The following DYM variants were observed in gnomAD, a reference collection of about 807,000 sequenced individuals.
The protein encoded by DYM is dyggve-Melchior-Clausen syndrome protein.
Under a neutral mutation model 93.1 loss-of-function variants are expected in DYM, and 78 were observed. The ratio of observed to expected loss-of-function variants is 0.84; its 90% CI spans 0.70 to 1.01. The LOEUF (loss-of-function observed/expected upper bound fraction) is 1.01. DYM is among the 50% of genes least tolerant of loss of function. DYM has a pLI of 0.00. For synonymous variants in DYM, 321 were observed against 319.7 expected (o/e 1.00, Z -0.04); for missense variants, 789 against 845.0 (o/e 0.93, Z 0.82).
chr18:49,160,231 C>T (rs934615413), intron 15 of DYM, among the ~76,000 whole-genome samples: 4 of 152,150 alleles, frequency 2.6e-5, no homozygotes, highest in African/African-American at 9.6e-5. Flanking sequence ...TTTATTTCCC[C>T]TTAAACAGCC....
At chr18:49,356,236 G>T (rs1185793649) in intron 6 of DYM, among the ~76,000 whole-genome samples, 1 of 102,034 alleles carries the variant, frequency 9.8e-6, no homozygotes, top group Non-Finnish European at 2.6e-5. Flanking sequence ...TGCTATACAT[G>T]TATTAATAAC....
chr18:49,359,789 G>C (rs1402596593), intron 6 of DYM: 1 of 152,218 alleles, frequency 6.6e-6, no homozygotes, highest in Non-Finnish European at 1.5e-5. Flanking sequence ...TGTGAAATGT[G>C]AAACGTTTAT....
chr18:49,347,884 C>A (rs1230502342), intron 6 of DYM, among the ~76,000 whole-genome samples: 1 of 152,142 alleles, frequency 6.6e-6, no homozygotes, highest in Non-Finnish European at 1.5e-5. Flanking sequence ...AGAAGATTTT[C>A]ATTACACAAT....
chr18:49,123,710 T>C (rs1398942668), intron 15 of DYM, among the ~76,000 whole-genome samples: 3 of 152,230 alleles, frequency 2.0e-5, no homozygotes, highest in African/African-American at 4.8e-5. Context: ...TCATCTATTA[T>C]TGTTATGTTT....
At chr18:49,217,520 C>T (rs1310473535) in intron 13 of DYM, among the ~76,000 whole-genome samples, 1 of 152,150 alleles carries the variant, frequency 6.6e-6, no homozygotes, top group Non-Finnish European at 1.5e-5. Context: ...CCGGGTTACC[C>T]ACAAAGGGAA....
At chr18:49,125,752 C>T (rs946947878) in intron 15 of DYM, among the ~76,000 whole-genome samples, 2 of 152,192 alleles carry the variant, frequency 1.3e-5, no homozygotes, top group Non-Finnish European at 2.9e-5. Context: ...TAACATTCAT[C>T]CCAAGTGGTC....
At chr18:49,359,305 A>T (rs1021547215) in intron 6 of DYM, among the ~76,000 whole-genome samples, 4 of 152,208 alleles carry the variant, frequency 2.6e-5, no homozygotes, top group African/African-American at 7.2e-5. Flanking sequence ...CCCGTGCATA[A>T]CTTAATCTTT....
chr18:49,161,213 A>G (rs986572206), intron 15 of DYM, among the ~76,000 whole-genome samples: 2 of 152,224 alleles, frequency 1.3e-5, no homozygotes, highest in African/African-American at 2.4e-5. Flanking sequence ...AAAATATTCA[A>G]TCAGTGACTC....
At chr18:49,080,486 G>T (rs1207774227) in intron 17 of DYM, among the ~76,000 whole-genome samples, 2 of 135,348 alleles carry the variant, frequency 1.5e-5, no homozygotes, top group Admixed American at 7.2e-5. Flanking sequence ...CTCACCTCCC[G>T]GACGGGGCGG....
intron 17 of DYM, among the ~76,000 whole-genome samples, chr18:49,058,126 G>A (rs556721678): frequency 2.0e-5 from 3 of 152,110 alleles, no homozygotes; most frequent in Admixed American, 6.5e-5. Context: ...AAGGACAACT[G>A]GAAAATACAA....
intron 17 of DYM, among the ~76,000 whole-genome samples, chr18:49,052,415 G>T (rs2144398274): frequency 6.6e-6 from 1 of 152,320 alleles, no homozygotes; most frequent in East Asian, 1.9e-4. Flanking sequence ...CTAAGGAAAA[G>T]AAAGACAAAA....
intron 15 of DYM, among the ~76,000 whole-genome samples, chr18:49,139,438 A>T (rs2084214011): frequency 6.6e-6 from 1 of 152,160 alleles, no homozygotes; most frequent in Admixed American, 6.5e-5. Flanking sequence ...TTAATTTTAG[A>T]AGGAGCTTAC....
intron 8 of DYM, among the ~76,000 whole-genome samples, chr18:49,294,740 C>A (rs1235205762): frequency 6.6e-6 from 1 of 152,048 alleles, no homozygotes; most frequent in Non-Finnish European, 1.5e-5. Context: ...TAAATGATTT[C>A]TTACATCTAA....
chr18:49,232,297 T>C (rs1247977746), intron 13 of DYM, among the ~76,000 whole-genome samples: 2 of 151,834 alleles, frequency 1.3e-5, no homozygotes, highest in Non-Finnish European at 2.9e-5. Context: ...TCTTCTTTTT[T>C]GATTTTTTCT....
intron 13 of DYM, among the ~76,000 whole-genome samples, chr18:49,228,461 G>T (rs902606362): frequency 2.6e-5 from 4 of 152,112 alleles, no homozygotes; most frequent in Admixed American, 2.6e-4. Context: ...ACATTTTGCA[G>T]ACGGAAGTGA....
At chr18:49,363,992 C>T (rs978435762) in intron 5 of DYM, among the ~76,000 whole-genome samples, 1 of 152,192 alleles carries the variant, frequency 6.6e-6, no homozygotes, top group South Asian at 2.1e-4. Context: ...TCTTATAATA[C>T]TTTATTTTTA....
At chr18:49,054,837 TGTAA>T (rs745942624) in intron 17 of DYM, among the ~76,000 whole-genome samples, 11 of 152,158 alleles carry the variant, frequency 7.2e-5, no homozygotes, top group Non-Finnish European at 1.0e-4. Context: ...TAACAGTTTT[TGTAA>T]GTAAGGGCGA....
chr18:49,428,543 T>C (rs12608124), intron 2 of DYM, among the ~76,000 whole-genome samples: 1 of 151,994 alleles, frequency 6.6e-6, no homozygotes, highest in Non-Finnish European at 1.5e-5. Context: ...AAATTAGCCA[T>C]GCATGAAGGC....
chr18:49,043,938 A>G lies in DYM; in HGVS notation c.*117T>C, dbSNP rs1050347383. ...TGTGTGAGGAAAACACACTCGTGCA[A>G]TCCTCTTTAACAGAAGATACACCAA... On this transcript the variant is annotated 3_prime_UTR_variant, in exon 18 of 18. Transcript: ENST00000675505. The G allele has an allele frequency of 8.0e-6, 10 of 1,250,686 alleles. No homozygotes were observed. The African/African-American group carries it at 1.5e-4, about 19-fold the overall frequency. 77.5% of individuals were successfully genotyped at this position (1,250,686 alleles called of 1,614,324 possible).
Sources: gnomAD v4.1 joint callset for allele counts (sites outside exome capture counted in the v4.1 genomes callset) on GRCh38, gnomAD v4.1.1 for gene constraint, MANE v1.5 for transcripts, NCBI Gene and HGNC (gene_info 2026-07-23, HGNC 2026-07-21) for gene names.